TMPRSS15: variants seen among roughly 807,000 people sequenced by gnomAD.
TMPRSS15 encodes enteropeptidase.
A neutral mutation model predicts 125.3 loss-of-function variants in TMPRSS15; 128 were observed. The observed-to-expected ratio is 1.02, with a 90% confidence interval of 0.89 to 1.18. The LOEUF (loss-of-function observed/expected upper bound fraction) is 1.18, where lower values mean the gene tolerates loss of function less well. Among genes scored for constraint, TMPRSS15 ranks in the 50% most tolerant of loss-of-function variants. The probability of loss-of-function intolerance (pLI) is 0.00; values close to 1 mark genes in which losing one functional copy is unlikely to be tolerated. For synonymous variants in TMPRSS15, 446 were observed against 423.2 expected (o/e 1.05, Z -0.66); for missense variants, 1,283 against 1,212.7 (o/e 1.06, Z -0.86).
intron 1 of TMPRSS15, among the ~76,000 whole-genome samples, chr21:18,474,765 C>T (rs1021758017): frequency 1.3e-5 from 2 of 152,096 alleles, no homozygotes; most frequent in Admixed American, 1.3e-4. Context: ...TATGTTTCTC[C>T]CTTCCAATTA....
At chr21:18,462,961 T>C (rs1978579214) in intron 1 of TMPRSS15, among the ~76,000 whole-genome samples, 1 of 151,962 alleles carries the variant, frequency 6.6e-6, no homozygotes, top group South Asian at 2.1e-4. Flanking sequence ...CAAACTGAGC[T>C]TCATAAGAGA....
intron 1 of TMPRSS15, among the ~76,000 whole-genome samples, chr21:18,410,778 T>G (rs1478292412): frequency 3.3e-5 from 5 of 152,286 alleles, no homozygotes; most frequent in African/African-American, 1.2e-4. Flanking sequence ...GGTTTTAAGC[T>G]TCAGCTCCAC....
intron 1 of TMPRSS15, among the ~76,000 whole-genome samples, chr21:18,441,154 G>A (rs540255144): frequency 6.6e-6 from 1 of 152,168 alleles, no homozygotes; most frequent in African/African-American, 2.4e-5. Flanking sequence ...TGAGCCAGGT[G>A]TGGTGGCATG....
intron 7 of TMPRSS15, among the ~76,000 whole-genome samples, chr21:18,360,645 T>G (rs2075671726): frequency 6.6e-6 from 1 of 152,104 alleles, no homozygotes; most frequent in Admixed American, 6.6e-5. Flanking sequence ...TGTCTATGTG[T>G]TTGTCTTTTT....
At chr21:18,364,999 G>C in intron 7 of TMPRSS15, 141 bp downstream of exon 7, 1 of 697,448 alleles carries the variant, frequency 1.4e-6, no homozygotes, top group Non-Finnish European at 2.5e-6. Flanking sequence ...ATAGTTTTTT[G>C]TACAGTTTTT....
intron 1 of TMPRSS15, among the ~76,000 whole-genome samples, chr21:18,450,257 T>C (rs1007962494): frequency 2.0e-5 from 3 of 151,966 alleles, no homozygotes; most frequent in Non-Finnish European, 4.4e-5. Context: ...AATTTCATTG[T>C]TTTACATGTT....
chr21:18,285,485 C>A (rs142238892), intron 21 of TMPRSS15, among the ~76,000 whole-genome samples: 54 of 152,336 alleles, frequency 3.5e-4, no homozygotes, highest in African/African-American at 1.3e-3. Flanking sequence ...AACAACTTTG[C>A]ACCATGCCAA....
intron 3 of TMPRSS15, among the ~76,000 whole-genome samples, chr21:18,394,934 A>C (rs908262677): frequency 6.6e-6 from 1 of 152,186 alleles, no homozygotes; most frequent in Non-Finnish European, 1.5e-5. Flanking sequence ...AGAGTAACAC[A>C]TGCATAACCA....
chr21:18,380,435 A>C, intron 4 of TMPRSS15: 1 of 408,978 alleles, frequency 2.4e-6, no homozygotes, highest in Non-Finnish European at 5.2e-6. Context: ...TGATATGAAG[A>C]CTGAATGCCT....
chr21:18,477,856 C>T (rs1216528849), intron 1 of TMPRSS15: 2 of 151,980 alleles, frequency 1.3e-5, no homozygotes, highest in Non-Finnish European at 2.9e-5. Flanking sequence ...ATTATATGCC[C>T]ATTTTCAGAC....
At chr21:18,313,115 C>T in intron 17 of TMPRSS15, 38 bp from the exon 18 acceptor site, 1 of 1,455,008 alleles carries the variant, frequency 6.9e-7, no homozygotes, top group Non-Finnish European at 9.7e-7. Flanking sequence ...TTACCAGAGA[C>T]TGAAGGGTGC....
chr21:18,482,533 A>G (rs1360506069), intron 1 of TMPRSS15, among the ~76,000 whole-genome samples: 1 of 151,682 alleles, frequency 6.6e-6, no homozygotes, highest in African/African-American at 2.4e-5. Flanking sequence ...GTAACAAAAT[A>G]CCACATGCAC....
At chr21:18,394,256 A>G (rs762970266) in intron 3 of TMPRSS15, among the ~76,000 whole-genome samples, 1 of 152,162 alleles carries the variant, frequency 6.6e-6, no homozygotes, top group African/African-American at 2.4e-5. Context: ...AGCATGCTGT[A>G]TCTCTCATAG....
intron 13 of TMPRSS15, among the ~76,000 whole-genome samples, chr21:18,334,439 A>C (rs2075372729): frequency 6.6e-6 from 1 of 152,202 alleles, no homozygotes; most frequent in Non-Finnish European, 1.5e-5. Context: ...AACGCAATGT[A>C]TAAGAGGAGG....
intron 16 of TMPRSS15, among the ~76,000 whole-genome samples, chr21:18,318,073 G>A (rs902998910): frequency 6.6e-6 from 1 of 152,152 alleles, no homozygotes; most frequent in Non-Finnish European, 1.5e-5. Flanking sequence ...TTTGTGGGCA[G>A]ATAGCTGTGT....
chr21:18,312,820 C>T (rs1454680762), intron 18 of TMPRSS15, 125 bp downstream of exon 18: 3 of 1,269,778 alleles, frequency 2.4e-6, no homozygotes, highest in Non-Finnish European at 3.3e-6. Context: ...TATTTTCTCC[C>T]TTTTGCTAAT....
At chr21:18,461,835 G>C (rs1158783872) in intron 1 of TMPRSS15, among the ~76,000 whole-genome samples, 1 of 152,044 alleles carries the variant, frequency 6.6e-6, no homozygotes, top group Admixed American at 6.6e-5. Flanking sequence ...TAGTTGCCCT[G>C]AGTTCAACTT....
intron 1 of TMPRSS15, among the ~76,000 whole-genome samples, chr21:18,422,622 A>G (rs966095939): frequency 1.3e-5 from 2 of 152,244 alleles, no homozygotes; most frequent in Non-Finnish European, 2.9e-5. Context: ...AGGTGCTACA[A>G]TTATTCCCAT....
At position 18,344,078 on chromosome 21, in the gene TMPRSS15, A is replaced by T; in HGVS notation, c.1172-18T>A. 6.3e-7 allele frequency: 1 copy of T among 1,596,124 alleles called. No homozygotes were observed. Among genetic ancestry groups the T allele is most frequent in the Non-Finnish European group, 8.6e-7 (1 of 1,164,886 alleles). On this transcript the variant is annotated intron_variant, in intron 10 of 24. Transcript: ENST00000284885. ...GTAAAATCCTGTAAAAATATCAAAA[A>T]AAATTTATTTCACTTAAATATTGCA...
Sources: allele counts gnomAD v4.1 joint callset (sites outside exome capture counted in the v4.1 genomes callset), GRCh38; gene constraint gnomAD v4.1.1; transcripts MANE v1.5; gene names NCBI Gene and HGNC (gene_info 2026-07-23, HGNC 2026-07-21).